MDGA2: variants seen among roughly 807,000 people sequenced by gnomAD.
MDGA2 encodes MAM domain-containing glycosylphosphatidylinositol anchor protein 2.
A neutral mutation model predicts 117.8 loss-of-function variants in MDGA2; 40 were observed. That is an observed-to-expected ratio of 0.34 (90% CI 0.26 to 0.44). The LOEUF is 0.44. Among genes scored for constraint, MDGA2 ranks in the 20% least tolerant of loss-of-function variants. The probability of loss-of-function intolerance (pLI) is 1.00; values close to 1 mark genes in which losing one functional copy is unlikely to be tolerated. For synonymous variants in MDGA2, 452 were observed against 439.0 expected (o/e 1.03, Z -0.37); for missense variants, 1,123 against 1,250.6 (o/e 0.90, Z 1.54).
intron 8 of MDGA2, among the ~76,000 whole-genome samples, chr14:47,008,917 C>A (rs1019422452): frequency 1.3e-5 from 2 of 151,864 alleles, no homozygotes; most frequent in African/African-American, 4.8e-5. Flanking sequence ...CTTAGCTGTT[C>A]AATCATTAAA....
intron 15 of MDGA2, among the ~76,000 whole-genome samples, chr14:46,852,504 GAA>G (rs1445593492): frequency 6.6e-6 from 1 of 151,818 alleles, no homozygotes; most frequent in African/African-American, 2.4e-5. Flanking sequence ...CAGAGAAAAA[GAA>G]AGAGAGAGAG....
At chr14:47,612,969 C>A (rs1218059235) in intron 1 of MDGA2, among the ~76,000 whole-genome samples, 2 of 152,180 alleles carry the variant, frequency 1.3e-5, no homozygotes, top group Non-Finnish European at 2.9e-5. Context: ...CTCTGGAGAC[C>A]TACTGATACC....
chr14:47,226,245 A>G (rs933110867), intron 2 of MDGA2, among the ~76,000 whole-genome samples: 1 of 151,518 alleles, frequency 6.6e-6, no homozygotes, highest in African/African-American at 2.4e-5. Context: ...AAATAAATAA[A>G]TAAATAAATA....
At chr14:47,046,974 C>T (rs1458112939) in intron 7 of MDGA2, among the ~76,000 whole-genome samples, 1 of 152,070 alleles carries the variant, frequency 6.6e-6, no homozygotes, top group Admixed American at 6.6e-5. Flanking sequence ...ACAATTTGTA[C>T]CCAATGTTAG....
At chr14:47,412,829 T>C (rs926302720) in intron 1 of MDGA2, among the ~76,000 whole-genome samples, 13 of 152,128 alleles carry the variant, frequency 8.5e-5, no homozygotes, top group African/African-American at 2.9e-4. Context: ...AAGGTGAGAG[T>C]CTCAGAAAAG....
chr14:46,996,514 G>C (rs1887298523), intron 8 of MDGA2: 1 of 152,182 alleles, frequency 6.6e-6, no homozygotes, highest in Non-Finnish European at 1.5e-5. Context: ...AAGAGCCCAA[G>C]CCCAGAACAT....
chr14:47,666,766 T>C (rs936861629), intron 1 of MDGA2, among the ~76,000 whole-genome samples: 6 of 152,174 alleles, frequency 3.9e-5, no homozygotes, highest in Non-Finnish European at 5.9e-5. Context: ...TAAATCTTGC[T>C]GTTGCTCACT....
intron 1 of MDGA2, among the ~76,000 whole-genome samples, chr14:47,557,858 T>G (rs751773906): frequency 6.6e-6 from 1 of 152,178 alleles, no homozygotes; most frequent in Admixed American, 6.5e-5. Flanking sequence ...CTTTATTAAT[T>G]TGTACATTCA....
intron 1 of MDGA2, among the ~76,000 whole-genome samples, chr14:47,480,625 T>C (rs1893933157): frequency 2.0e-5 from 3 of 152,104 alleles, no homozygotes; most frequent in African/African-American, 4.8e-5. Flanking sequence ...GCCTTTTTTT[T>C]CAAAAGTGAT....
chr14:47,131,018 A>AAT (rs973916311), intron 5 of MDGA2, among the ~76,000 whole-genome samples: 1 of 151,942 alleles, frequency 6.6e-6, no homozygotes, highest in East Asian at 1.9e-4. Context: ...AAAGTATAAT[A>AAT]ATATATATAT....
chr14:47,177,152 C>T (rs1362587691), intron 3 of MDGA2, among the ~76,000 whole-genome samples: 3 of 152,176 alleles, frequency 2.0e-5, no homozygotes, highest in Non-Finnish European at 4.4e-5. Flanking sequence ...CAGGAAACAA[C>T]AGGTGCTAGA....
intron 1 of MDGA2, among the ~76,000 whole-genome samples, chr14:47,636,193 A>C (rs1352832564): frequency 1.3e-5 from 2 of 152,176 alleles, no homozygotes; most frequent in African/African-American, 4.8e-5. Context: ...ATCCCCCCAG[A>C]CTCAAAAACT....
intron 3 of MDGA2, among the ~76,000 whole-genome samples, chr14:47,196,003 C>T (rs1444680162): frequency 6.6e-6 from 1 of 151,496 alleles, no homozygotes; most frequent in Non-Finnish European, 1.5e-5. Context: ...GTCATATATA[C>T]ATATATATAT....
At chr14:47,266,025 G>T (rs1339267512) in intron 2 of MDGA2, among the ~76,000 whole-genome samples, 1 of 152,030 alleles carries the variant, frequency 6.6e-6, no homozygotes, top group East Asian at 1.9e-4. Flanking sequence ...ATTAAATGAG[G>T]TCACATAATC....
At chr14:47,238,453 A>T (rs188904313) in intron 2 of MDGA2, among the ~76,000 whole-genome samples, 1 of 151,908 alleles carries the variant, frequency 6.6e-6, no homozygotes, top group Non-Finnish European at 1.5e-5. Context: ...TGACAAGCAG[A>T]AATTATCTCG....
At chr14:47,089,678 C>T (rs1006791508) in intron 6 of MDGA2, among the ~76,000 whole-genome samples, 74 of 151,966 alleles carry the variant, frequency 4.9e-4, no homozygotes, top group Non-Finnish European at 1.3e-4. Flanking sequence ...ATGTATAGCA[C>T]ATATATACCA....
intron 1 of MDGA2, among the ~76,000 whole-genome samples, chr14:47,666,781 G>C (rs999345174): frequency 6.6e-6 from 1 of 152,098 alleles, no homozygotes; most frequent in Non-Finnish European, 1.5e-5. Flanking sequence ...CTCACTCTTT[G>C]GGTACACATT....
At chr14:47,503,483 C>T (rs1406558995) in intron 1 of MDGA2, among the ~76,000 whole-genome samples, 3 of 144,686 alleles carry the variant, frequency 2.1e-5, no homozygotes, top group East Asian at 4.0e-4. Context: ...AGTGCAGTGG[C>T]GCAATCTCAG....
At chr14:47,103,513 C>A (rs924618413) in intron 5 of MDGA2, among the ~76,000 whole-genome samples, 1 of 152,162 alleles carries the variant, frequency 6.6e-6, no homozygotes, top group Non-Finnish European at 1.5e-5. Flanking sequence ...CTGGGAAATT[C>A]TATTTAAAAT....
Sources: allele counts gnomAD v4.1 joint callset (sites outside exome capture counted in the v4.1 genomes callset), GRCh38; gene constraint gnomAD v4.1.1; transcripts MANE v1.5; gene names NCBI Gene and HGNC (gene_info 2026-07-23, HGNC 2026-07-21).